Variants in ALDH1L1 observed in about 807,000 individuals in gnomAD.
ALDH1L1 encodes the protein cytosolic 10-formyltetrahydrofolate dehydrogenase.
In ALDH1L1, 68 loss-of-function variants were observed where a neutral mutation model predicts 101.1. That is an observed-to-expected ratio of 0.67 (90% CI 0.55 to 0.82). The LOEUF is 0.82. ALDH1L1 is among the 40% of genes least tolerant of loss of function. ALDH1L1 has a pLI of 0.00. For missense variants in ALDH1L1, 1,087 were observed against 1,172.7 expected, an observed-to-expected ratio of 0.93 and a Z score of 1.07; for synonymous variants, 486 against 470.8, an observed-to-expected ratio of 1.03 and a Z score of -0.42.
chr3:126,181,239 A>ATT, upstream of ALDH1L1: 1 of 579,666 alleles, frequency 1.7e-6, no homozygotes, highest in East Asian at 2.9e-5. Context: ...AGGCAAGGCC[A>ATT]TGTAGAATGC....
At chr3:126,115,840 G>A (rs1235517004) in intron 17 of ALDH1L1, among the ~76,000 whole-genome samples, 14 of 151,882 alleles carry the variant, frequency 9.2e-5, no homozygotes, top group Admixed American at 6.6e-4. Context: ...CTCCCAAAAT[G>A]CTGGGATTAC....
At chr3:126,186,862 G>A (rs769658605) in intron 1 of ALDH1L1, among the ~76,000 whole-genome samples, 19 of 152,198 alleles carry the variant, frequency 1.2e-4, no homozygotes, top group Admixed American at 9.2e-4. Context: ...TGAAGTAGCT[G>A]CAAAAGTGCT....
At chr3:126,130,919 C>A (rs1393926546) in intron 13 of ALDH1L1, among the ~76,000 whole-genome samples, 1 of 152,226 alleles carries the variant, frequency 6.6e-6, no homozygotes, top group African/African-American at 2.4e-5. Flanking sequence ...ACATAGTGCC[C>A]ATGAGCCCAG....
intron 18 of ALDH1L1, among the ~76,000 whole-genome samples, chr3:126,113,319 G>C (rs567370373): frequency 6.6e-6 from 1 of 152,168 alleles, no homozygotes; most frequent in African/African-American, 2.4e-5. Flanking sequence ...TGGAGCAGGC[G>C]GTGGGTGACA....
intron 12 of ALDH1L1, among the ~76,000 whole-genome samples, chr3:126,132,604 C>T (rs914617139): frequency 3.9e-5 from 6 of 152,180 alleles, no homozygotes; most frequent in African/African-American, 1.2e-4. Context: ...CCCCTTTCCA[C>T]ACTCCTGTTT....
At chr3:126,160,430 C>G (rs2081018308) in intron 2 of ALDH1L1, 2 of 162,562 alleles carry the variant, frequency 1.2e-5, no homozygotes, top group Admixed American at 1.2e-4. Flanking sequence ...TGGTCTCTCC[C>G]CTGATGGGTA....
chr3:126,181,038 C>T, upstream of ALDH1L1: 1 of 1,578,160 alleles, frequency 6.3e-7, no homozygotes. Flanking sequence ...GCAGAGGCGG[C>T]CCCTTAGCAG....
chr3:126,151,392 G>A (rs907277998), intron 7 of ALDH1L1: 2 of 152,172 alleles, frequency 1.3e-5, no homozygotes, highest in African/African-American at 2.4e-5. Context: ...GGTAGAGCCT[G>A]CGTCCAGCCA....
At chr3:126,139,700 GAAT>G (rs2080526079) in intron 9 of ALDH1L1, among the ~76,000 whole-genome samples, 1 of 152,100 alleles carries the variant, frequency 6.6e-6, no homozygotes, top group South Asian at 2.1e-4. Flanking sequence ...AACAAAATGA[GAAT>G]ATCGAAGTGA....
At chr3:126,111,049 C>G (rs112830902) in intron 19 of ALDH1L1, among the ~76,000 whole-genome samples, 8 of 152,236 alleles carry the variant, frequency 5.3e-5, no homozygotes, top group African/African-American at 1.7e-4. Context: ...ACACTCCCCC[C>G]ATGACCGCCA....
At chr3:126,162,076 G>T (rs1046467992) in intron 1 of ALDH1L1, among the ~76,000 whole-genome samples, 2 of 152,096 alleles carry the variant, frequency 1.3e-5, no homozygotes, top group African/African-American at 4.8e-5. Flanking sequence ...AGAGTATTTT[G>T]ATATGTGGAT....
chr3:126,112,946 A>G, intron 18 of ALDH1L1, 66 bp from the exon 19 acceptor site: 1 of 1,472,298 alleles, frequency 6.8e-7, no homozygotes, highest in Non-Finnish European at 9.4e-7. Flanking sequence ...CGGCTCTGCC[A>G]GGGCCCAGCC....
chr3:126,145,392 T>C (rs755296053), intron 9 of ALDH1L1, among the ~76,000 whole-genome samples: 16 of 152,228 alleles, frequency 1.1e-4, no homozygotes, highest in Non-Finnish European at 2.2e-4. Context: ...CAAATTCCCA[T>C]GCACTTCCAC....
intron 9 of ALDH1L1, among the ~76,000 whole-genome samples, chr3:126,140,299 T>A (rs2080542961): frequency 1.3e-5 from 2 of 152,194 alleles, no homozygotes; most frequent in African/African-American, 4.8e-5. Flanking sequence ...GAATTCCATA[T>A]CCATCAAAAC....
chr3:126,110,055 G>A lies in ALDH1L1; in HGVS notation c.2236C>T (p.His746Tyr). 2 of 1,614,208 alleles carry A rather than the reference G, an allele frequency of 1.2e-6. No individual in the cohort carries two copies. The highest frequency in any genetic ancestry group is 1.7e-6 in the Non-Finnish European group (2 of 1,180,038). The change falls in exon 20 of 23, where the codon CAC becomes TAC. Residue 746 changes from histidine (H) to tyrosine (Y), a missense_variant. Around this residue, in one of 2 missense-constraint regions of ALDH1L1, gnomAD observed 442 missense variants for 535.7 expected, o/e 0.83. Transcript: ENST00000393434. ...TGGGCATGGTGATTCTGCGGCCCGT[G>A]GTCGGTGTCCCTGTCCAGCGGGTTG... The part of the protein sequence containing the change: ...VGNPLDRDTD[H>Y]GPQNHHAHLV...
At chr3:126,147,019 G>A in intron 8 of ALDH1L1, 93 bp from the exon 9 acceptor site, 3 of 1,253,666 alleles carry the variant, frequency 2.4e-6, no homozygotes. Context: ...CTCATGGATG[G>A]CCTGGGGCCA....
In ALDH1L1 at chr3:126,135,349, T is replaced by C. The variant is rs563510498; in HGVS notation, c.1472+186A>G. On this transcript the variant is annotated intron_variant, in intron 12 of 22. Transcript: ENST00000393434. ...CTCCTGTTTCTCATATCCCTTCCTC[T>C]GAGAAGCCTTTTCTGAGCCTCAGGC... The C allele has an allele frequency of 7.4e-6, 5 of 673,134 alleles. No individual in the cohort carries two copies. In the East Asian group the frequency reaches 1.8e-4, roughly 24 times the overall value. The allele number at this position is 673,134 out of a possible 1,614,324, so 41.7% of individuals were successfully genotyped here.
chr3:126,123,462 T>G (rs868277366), intron 16 of ALDH1L1, among the ~76,000 whole-genome samples: 1 of 152,084 alleles, frequency 6.6e-6, no homozygotes, highest in Non-Finnish European at 1.5e-5. Context: ...TTCACCATGT[T>G]GGCCAGGCTG....
chr3:126,176,854 A>G (rs2108336677), intron 1 of ALDH1L1, among the ~76,000 whole-genome samples: 1 of 152,340 alleles, frequency 6.6e-6, no homozygotes, highest in African/African-American at 2.4e-5. Flanking sequence ...GAACTATTAA[A>G]ACTCAACAGT....
Sources: gnomAD v4.1 joint callset for allele counts (sites outside exome capture counted in the v4.1 genomes callset) on GRCh38, gnomAD v4.1.1 for gene constraint, gnomAD v4.1.1 regional missense constraint, MANE v1.5 for transcripts, NCBI Gene and HGNC (gene_info 2026-07-23, HGNC 2026-07-21) for gene names.